Variants in PLXNA4 observed in about 807,000 individuals in gnomAD.
PLXNA4 encodes the protein plexin-A4.
PLXNA4 carries 44 observed loss-of-function variants against 191.8 expected under a neutral mutation model. The observed-to-expected ratio is 0.23, with a 90% CI of 0.18 to 0.29. The LOEUF is 0.29. Ranked by LOEUF, PLXNA4 falls within the 10% of genes least tolerant of loss-of-function variation. The pLI, the probability that PLXNA4 is intolerant of heterozygous loss-of-function variation, is 1.00. For synonymous variants in PLXNA4, 1,082 were observed against 1,009.5 expected (o/e 1.07, Z -1.36); for missense variants, 1,800 against 2,488.8 (o/e 0.72, Z 5.89).
chr7:132,191,831 TATAC>T (rs766166110), intron 14 of PLXNA4, among the ~76,000 whole-genome samples: 2 of 141,638 alleles, frequency 1.4e-5, no homozygotes, highest in African/African-American at 2.6e-5. Flanking sequence ...TATATATATA[TATAC>T]ACACACACAC....
intron 31 of PLXNA4, among the ~76,000 whole-genome samples, chr7:132,131,103 A>G (rs141798308): frequency 3.9e-4 from 59 of 152,306 alleles, no homozygotes; most frequent in African/African-American, 1.4e-3. Flanking sequence ...TTAAAAAACA[A>G]ATGTCCCTAG....
At chr7:132,403,485 A>T (rs573280526) in intron 3 of PLXNA4, among the ~76,000 whole-genome samples, 35 of 152,218 alleles carry the variant, frequency 2.3e-4, no homozygotes, top group Non-Finnish European at 4.3e-4. Context: ...AACCCTGATG[A>T]CACCTGAAAG....
intron 4 of PLXNA4, among the ~76,000 whole-genome samples, chr7:132,269,989 A>G (rs1274243247): frequency 6.6e-6 from 1 of 152,194 alleles, no homozygotes; most frequent in African/African-American, 2.4e-5. Flanking sequence ...AGGAATAATA[A>G]AAAACACCAG....
intron 1 of PLXNA4, among the ~76,000 whole-genome samples, chr7:132,563,498 CCTCCTCCTCCTCCTCCTGCTG>C (rs1316565676): frequency 1.1e-4 from 9 of 82,944 alleles, no homozygotes; most frequent in Admixed American, 4.4e-4. Flanking sequence ...TCCTCCTTCT[CCTCCTCCTCCTCCTCCTGCTG>C]CTCCTCCTCC....
intron 15 of PLXNA4, among the ~76,000 whole-genome samples, chr7:132,187,067 A>C (rs566832454): frequency 6.6e-6 from 1 of 152,220 alleles, no homozygotes; most frequent in African/African-American, 2.4e-5. Context: ...AACGTGGCTC[A>C]ACTAGTTCTG....
At chr7:132,146,101 A>G (rs1292162625) in intron 28 of PLXNA4, among the ~76,000 whole-genome samples, 1 of 150,238 alleles carries the variant, frequency 6.7e-6, no homozygotes, top group Non-Finnish European at 1.5e-5. Context: ...AAAAAAAAAA[A>G]AAGAAAAGAT....
chr7:132,229,542 G>T (rs766690200), intron 5 of PLXNA4, among the ~76,000 whole-genome samples: 1 of 152,074 alleles, frequency 6.6e-6, no homozygotes, highest in Non-Finnish European at 1.5e-5. Context: ...GGGCAAGCAG[G>T]GTCCTCAGGA....
At chr7:132,509,180 G>A (rs1234638398) in intron 1 of PLXNA4, among the ~76,000 whole-genome samples, 1 of 150,692 alleles carries the variant, frequency 6.6e-6, no homozygotes, top group African/African-American at 2.4e-5. Context: ...AGGGAGGGAG[G>A]GAGGGAGGAA....
chr7:132,570,908 G>A (rs1291384373), intron 1 of PLXNA4, among the ~76,000 whole-genome samples: 1 of 152,180 alleles, frequency 6.6e-6, no homozygotes, highest in Non-Finnish European at 1.5e-5. Flanking sequence ...GTTGGTTTCA[G>A]TTTGCACAGG....
At chr7:132,543,001 T>C (rs528742401) in intron 1 of PLXNA4, among the ~76,000 whole-genome samples, 1 of 152,370 alleles carries the variant, frequency 6.6e-6, no homozygotes, top group African/African-American at 2.4e-5. Flanking sequence ...CTATTATTTC[T>C]GCTGGTTCTC....
At chr7:132,352,086 G>C (rs900458096) in intron 3 of PLXNA4, among the ~76,000 whole-genome samples, 3 of 152,146 alleles carry the variant, frequency 2.0e-5, no homozygotes, top group Non-Finnish European at 2.9e-5. Context: ...GGGCGAGGAG[G>C]CTGCATTCAG....
At chr7:132,375,081 G>T (rs1804603420) in intron 3 of PLXNA4, among the ~76,000 whole-genome samples, 1 of 152,228 alleles carries the variant, frequency 6.6e-6, no homozygotes, top group African/African-American at 2.4e-5. Context: ...CTCTGAGGCT[G>T]ATGTCCCCAT....
chr7:132,603,249 G>A (rs1176018563), intron 2 of PLXNA4, among the ~76,000 whole-genome samples: 3 of 150,982 alleles, frequency 2.0e-5, no homozygotes, highest in Non-Finnish European at 4.4e-5. Flanking sequence ...TCTCTTTATT[G>A]AAAAAAAAAT....
At chr7:132,344,442 C>T (rs978251250) in intron 3 of PLXNA4, among the ~76,000 whole-genome samples, 4 of 152,158 alleles carry the variant, frequency 2.6e-5, no homozygotes, top group African/African-American at 9.7e-5. Flanking sequence ...GGAGGGCTAC[C>T]TTAGGGTCTT....
chr7:132,232,274 C>T (rs1446399754), intron 5 of PLXNA4, among the ~76,000 whole-genome samples: 1 of 152,134 alleles, frequency 6.6e-6, no homozygotes, highest in Non-Finnish European at 1.5e-5. Context: ...ACTGTACAGG[C>T]CCCTTGACAT....
chr7:132,615,397 G>A (rs952130271), intron 2 of PLXNA4, among the ~76,000 whole-genome samples: 2 of 152,134 alleles, frequency 1.3e-5, no homozygotes, highest in African/African-American at 2.4e-5. Context: ...TGCAGCCCCC[G>A]CCCCTGGCGG....
rs1231555726 is a variant in PLXNA4, at chr7:132,124,485, G to A, written c.*5994C>T. Reference sequence around the variant, plus strand: ...TGTTTTAAATTCTACTTTTGTAAGGGAGCCCTTCCAAAATGTGCTTGAGTC... The same window carrying A: ...TGTTTTAAATTCTACTTTTGTAAGGAAGCCCTTCCAAAATGTGCTTGAGTC... On this transcript the variant is annotated 3_prime_UTR_variant, in exon 32 of 32. Coordinates refer to ENST00000321063, the MANE Select transcript of PLXNA4 (RefSeq NM_020911.2). 6.6e-6 allele frequency: 1 copy of A among 152,202 alleles called. No individual in the cohort carries two copies. The highest frequency in any genetic ancestry group is 1.5e-5 in the Non-Finnish European group (1 of 68,054). The allele number at this position is 152,202 out of a possible 1,614,324, so 9.4% of individuals were successfully genotyped here. A position where few individuals can be genotyped will look rare whatever the true frequency, so the allele number is the denominator to read the frequency against.
intron 3 of PLXNA4, among the ~76,000 whole-genome samples, chr7:132,431,163 A>G (rs1795245836): frequency 1.3e-5 from 2 of 152,188 alleles, no homozygotes; most frequent in Admixed American, 6.5e-5. Flanking sequence ...TGAAGTGCTT[A>G]CCCTCGTGCC....
chr7:132,226,339 G>T, intron 7 of PLXNA4, 79 bp from the exon 8 acceptor site: 1 of 1,259,356 alleles, frequency 7.9e-7, no homozygotes, highest in Non-Finnish European at 1.1e-6. Context: ...ACACCTGCTG[G>T]AAAAGGGAGC....
Sources: gnomAD v4.1 joint callset for allele counts (sites outside exome capture counted in the v4.1 genomes callset) on GRCh38, gnomAD v4.1.1 for gene constraint, MANE v1.5 for transcripts, NCBI Gene and HGNC (gene_info 2026-07-23, HGNC 2026-07-21) for gene names.